Variants in RIPK3 observed in about 807,000 individuals in gnomAD.
The protein encoded by RIPK3 is receptor-interacting serine/threonine-protein kinase 3.
A neutral mutation model predicts 51.6 loss-of-function variants in RIPK3; 51 were observed. That is an observed-to-expected ratio of 0.99 (90% CI 0.79 to 1.25). RIPK3 has a LOEUF of 1.25. Ranked by LOEUF, RIPK3 falls within the 50% of genes most tolerant of loss-of-function variation. The pLI is 0.00. For missense variants in RIPK3, 654 were observed against 650.4 expected, an observed-to-expected ratio of 1.01 and a Z score of -0.06; for synonymous variants, 246 against 257.7, an observed-to-expected ratio of 0.95 and a Z score of 0.44.
chr14:24,338,620 C>A (rs1048212328), intron 3 of RIPK3, 53 bp from the exon 4 acceptor site: 3 of 1,550,728 alleles, frequency 1.9e-6, no homozygotes, highest in Non-Finnish European at 2.6e-6. Flanking sequence ...GGCCAGAGAG[C>A]CTCCAGGAAC....
intron 8 of RIPK3, 30 bp downstream of exon 8, chr14:24,337,056 G>A (rs777800479): frequency 6.2e-6 from 10 of 1,610,810 alleles, no homozygotes; most frequent in Non-Finnish European, 7.6e-6. Flanking sequence ...AGGACTCTTA[G>A]TGCATCCCCT....
chr14:24,339,726 A>G lies in RIPK3; in HGVS notation c.20+81T>C. 2.5e-6 allele frequency: 4 copies of G among 1,570,936 alleles called. No homozygotes were observed. Among genetic ancestry groups the G allele is most frequent in the Non-Finnish European group, 3.5e-6 (4 of 1,156,466 alleles). On this transcript the variant is annotated intron_variant, in intron 1 of 9. Transcript: ENST00000216274. The surrounding 1 kb of genome is among the most constrained non-coding windows in gnomAD (Gnocchi z 4.0). ...CCGGCCCCCACCGTCCCCGGACTCAAAGACGTTCTCTGAGCGAGTCTGTGG... is the reference window on the plus strand; with the variant it reads ...CCGGCCCCCACCGTCCCCGGACTCAGAGACGTTCTCTGAGCGAGTCTGTGG...
chr14:24,338,021 G>A lies in RIPK3; in HGVS notation c.684C>T (p.Leu228=), dbSNP rs372654613. Residue 228 remains leucine, a synonymous_variant, in exon 6 of 10, where the codon CTC becomes CTT. Transcript: ENST00000216274. ...REVELPTEPS[L]VYEAVCNRQN... ...GCCTGTTGCACACTGCTTCGTACAC[G>A]AGTGATGGTTCGGTTGGCACTGGAG... The A allele has an allele frequency of 2.7e-5, 44 of 1,614,194 alleles. No homozygotes were observed. Among genetic ancestry groups the A allele is most frequent in the East Asian group, 4.5e-5 (2 of 44,890 alleles).
In RIPK3 at chr14:24,339,829, G is replaced by A; in HGVS notation, c.-3C>T. The A allele has an allele frequency of 1.3e-6, 2 of 1,567,878 alleles. No homozygotes were observed. The highest frequency in any genetic ancestry group is 1.7e-6 in the Non-Finnish European group (2 of 1,160,468). On this transcript the variant is annotated 5_prime_UTR_variant, in exon 1 of 10. Coordinates refer to ENST00000216274, the MANE Select transcript of RIPK3 (RefSeq NM_006871.4). This position sits in a 1 kb window ranked among gnomAD's most constrained non-coding sequence, Gnocchi z 4.0. ...CACCATAACTTGACGCACGACATCA[G>A]GCTGGAAGGTGCCAGGGGGCCTCTG...
In RIPK3 at chr14:24,336,032, C is replaced by T; in HGVS notation, c.*143G>A. 1 of 785,134 alleles carries T rather than the reference C, an allele frequency of 1.3e-6. No homozygotes were observed. The highest frequency in any genetic ancestry group is 2.0e-6 in the Non-Finnish European group (1 of 511,488). 48.6% of individuals were successfully genotyped at this position (785,134 alleles called of 1,614,324 possible). A position where few individuals can be genotyped will look rare whatever the true frequency, so the allele number is the denominator to read the frequency against. ...GGCTGAGCTCAGACTGACTAGCATT[C>T]CATCATGTTTATTGACTCCTGGGGG... On this transcript the variant is annotated 3_prime_UTR_variant, in exon 10 of 10. Transcript: ENST00000216274.
chr14:24,339,446 G>C lies in RIPK3; in HGVS notation c.161+11C>G. ...GCCAGATTGCGGCTGGGGTCAACCG[G>C]GGTCACTCACGAGTTTACGATCTTG... On this transcript the variant is annotated intron_variant, in intron 2 of 9. Transcript: ENST00000216274. This position sits in a 1 kb window ranked among gnomAD's most constrained non-coding sequence, Gnocchi z 4.0. 1 of 1,613,798 alleles carries C rather than the reference G, an allele frequency of 6.2e-7. No homozygotes were observed. Among genetic ancestry groups the C allele is most frequent in the Non-Finnish European group, 8.5e-7 (1 of 1,179,818 alleles).
rs750949099 is a variant in RIPK3 at position 24,337,655 on chromosome 14, C to T, written c.900+40G>A. On this transcript the variant is annotated intron_variant, in intron 7 of 9. Coordinates refer to ENST00000216274, the MANE Select transcript of RIPK3 (RefSeq NM_006871.4). ...TGGCCAGGTAGCCACGCTGTGCCAT[C>T]CCTGACCAGCTCCTGGGGAGGGGTG... The T allele has an allele frequency of 2.6e-6, 4 of 1,564,190 alleles. No homozygotes were observed. In the East Asian group the frequency reaches 9.0e-5, roughly 35 times the overall value.
Position 24,339,910 on chromosome 14 carries a change from G to A in RIPK3, c.-84C>T. ...TTCTGGGGCTTGGTCCTTTCGCAGA[G>A]AGGGGAAGGGGTCTGTCTGTGCAGG... On this transcript the variant is annotated 5_prime_UTR_variant, in exon 1 of 10. Coordinates refer to ENST00000216274, the MANE Select transcript of RIPK3 (RefSeq NM_006871.4). This position sits in a 1 kb window ranked among gnomAD's most constrained non-coding sequence, Gnocchi z 4.0. The A allele has an allele frequency of 7.1e-7, 1 of 1,413,204 alleles. No individual in the cohort carries two copies. The highest frequency in any genetic ancestry group is 9.6e-7 in the Non-Finnish European group (1 of 1,038,256). 87.5% of individuals were successfully genotyped at this position (1,413,204 alleles called of 1,614,324 possible). A position where few individuals can be genotyped will look rare whatever the true frequency, so the allele number is the denominator to read the frequency against.
rs764335328 is a variant in RIPK3 at position 24,339,249 on chromosome 14, G to A, written c.237C>T (p.Ile79=). 6.2e-7 allele frequency: 1 copy of A among 1,614,074 alleles called. No individual in the cohort carries two copies. The highest frequency in any genetic ancestry group is 1.3e-5 in the African/African-American group (1 of 74,934). The change falls in exon 3 of 10, where the codon ATC becomes ATT. Residue 79 remains isoleucine, a synonymous_variant. Coordinates refer to ENST00000216274, the MANE Select transcript of RIPK3 (RefSeq NM_006871.4). The surrounding 1 kb of genome is among the most constrained non-coding windows in gnomAD (Gnocchi z 4.0). ...NEFVLRLEGV[I]EKVNWDQDPK... Reference sequence around the variant, plus strand: ...GATCTTGGTCCCAGTTCACCTTCTCGATAACCCCTTCTAGGCGCAGCACGA... The same window carrying A: ...GATCTTGGTCCCAGTTCACCTTCTCAATAACCCCTTCTAGGCGCAGCACGA...
chr14:24,337,483 C>G, intron 7 of RIPK3, 23 bp from the exon 8 acceptor site: 1 of 1,610,608 alleles, frequency 6.2e-7, no homozygotes, highest in Non-Finnish European at 8.5e-7. Flanking sequence ...GAGGAGTTTG[C>G]TGGGTATGAC....
Position 24,338,275 on chromosome 14 carries a change from G to A in RIPK3, c.638C>T (p.Ala213Val). ...DVYSFGILMW[A>V]VLAGREVELP... ...CTCAACTTCTCTTCCAGCAAGCACT[G>A]CCCACATTAGGATCCCGAAGCTGCA... Residue 213 changes from alanine (A) to valine (V), a missense_variant, in exon 5 of 10, where the codon GCA (alanine) becomes GTA (valine). Ala to Val is a moderately conservative substitution (Grantham distance 64). Coordinates refer to ENST00000216274, the MANE Select transcript of RIPK3 (RefSeq NM_006871.4). 6.6e-7 allele frequency: 1 copy of A among 1,524,628 alleles called. No homozygotes were observed. The highest frequency in any genetic ancestry group is 8.8e-7 in the Non-Finnish European group (1 of 1,136,146). 94.4% of individuals were successfully genotyped at this position (1,524,628 alleles called of 1,614,324 possible). A position where few individuals can be genotyped will look rare whatever the true frequency, so the allele number is the denominator to read the frequency against.
rs1284704404 is a variant in RIPK3, at chr14:24,337,905, C to T, written c.800G>A (p.Ser267Asn). The T allele has an allele frequency of 6.2e-7, 1 of 1,614,214 alleles. No homozygotes were observed. The highest frequency in any genetic ancestry group is 1.7e-5 in the Admixed American group (1 of 60,030). The change falls in exon 6 of 10, where the codon AGC (serine) becomes AAC (asparagine). Residue 267 changes from serine (S) to asparagine (N), a missense_variant. Coordinates refer to ENST00000216274, the MANE Select transcript of RIPK3 (RefSeq NM_006871.4). Reference protein sequence around the residue: ...GLKELMQLCWSSEPKDRPSFQ... With the variant: ...GLKELMQLCWNSEPKDRPSFQ... ...GGAGGGTCTGTCCTTGGGCTCACTG[C>T]TCCAGCAGAGCTGCATTAGCTCCTT...
Position 24,339,035 on chromosome 14 carries a change from C to T in RIPK3, c.451G>A (p.Asp151Asn), listed in dbSNP as rs1253287984. 1.2e-6 allele frequency: 2 copies of T among 1,614,068 alleles called. No homozygotes were observed. The highest frequency in any genetic ancestry group is 2.7e-5 in the African/African-American group (2 of 75,062). The change falls in exon 3 of 10, where the codon GAC becomes AAC. Residue 151 changes from aspartate to asparagine, a missense_variant. Coordinates refer to ENST00000216274, the MANE Select transcript of RIPK3 (RefSeq NM_006871.4). This position sits in a 1 kb window ranked among gnomAD's most constrained non-coding sequence, Gnocchi z 4.0. ...CTGACCTTGACGTGCAGCTCTGGGTCCAGCAGGACGTTGGATGGCTTGAGG... is the reference window on the plus strand; with the variant it reads ...CTGACCTTGACGTGCAGCTCTGGGTTCAGCAGGACGTTGGATGGCTTGAGG... ...RDLKPSNVLL[D>N]PELHVKLADF...
At position 24,338,938 on chromosome 14, in the gene RIPK3, G is replaced by T. The variant is rs549923193; in HGVS notation, c.471+77C>A. The stretch of plus-strand genomic sequence containing the variant: ...CTATTCAATAGACAGGGCTCTGGAG[G>T]TCTAGTGTCCGGCGGGCCTGGCTGG... On this transcript the variant is annotated intron_variant, in intron 3 of 9. Transcript: ENST00000216274. 2.6e-6 allele frequency: 3 copies of T among 1,161,178 alleles called. No homozygotes were observed. In the Admixed American group the frequency reaches 5.4e-5, roughly 21 times the overall value. 71.9% of individuals were successfully genotyped at this position (1,161,178 alleles called of 1,614,324 possible).
chr14:24,338,399 T>C, intron 4 of RIPK3, 23 bp downstream of exon 4: 1 of 1,598,680 alleles, frequency 6.3e-7, no homozygotes, highest in Non-Finnish European at 8.6e-7. Context: ...ATCCTGGCTG[T>C]GTGTTTGGGC....
At chr14:24,336,467 G>A in intron 9 of RIPK3, 72 bp from the exon 10 acceptor site, 15 of 1,564,904 alleles carry the variant, frequency 9.6e-6, no homozygotes, top group Non-Finnish European at 1.3e-5. Context: ...TGGGTGGGGA[G>A]TATGAAGTCT....
chr14:24,337,374 G>A lies in RIPK3; in HGVS notation c.987C>T (p.Gly329=), dbSNP rs373809787. Residue 329 remains glycine, a synonymous_variant, in exon 8 of 10, where the codon GGC becomes GGT. Coordinates refer to ENST00000216274, the MANE Select transcript of RIPK3 (RefSeq NM_006871.4). ...ESGQGGTEMD[G]FRRTIENQHS... ...GCTGGTTTTCTATGGTTCTCCTAAA[G>A]CCATCCATTTCTGTCCCTCCTTGGC... 1.9e-5 allele frequency: 30 copies of A among 1,614,038 alleles called. No homozygotes were observed. In the Admixed American group the frequency reaches 4.8e-4, roughly 26 times the overall value.
At position 24,339,944 on chromosome 14, in the gene RIPK3, T is replaced by C. The variant is rs2042173698; in HGVS notation, c.-118A>G. ...GGGTCTGTCTGTGCAGGGGTCAGTC[T>C]CTAGACCAAGACGGTGAGTCTACTT... On this transcript the variant is annotated 5_prime_UTR_variant, in exon 1 of 10. Coordinates refer to ENST00000216274, the MANE Select transcript of RIPK3 (RefSeq NM_006871.4). This position sits in a 1 kb window ranked among gnomAD's most constrained non-coding sequence, Gnocchi z 4.0. 2 of 1,095,174 alleles carry C rather than the reference T, an allele frequency of 1.8e-6. No homozygotes were observed. The highest frequency in any genetic ancestry group is 2.6e-6 in the Non-Finnish European group (2 of 773,076). The allele number at this position is 1,095,174 out of a possible 1,614,324, so 67.8% of individuals were successfully genotyped here.
In RIPK3 at chr14:24,336,257, G is replaced by C; in HGVS notation, c.1475C>G (p.Pro492Arg). 2 of 1,612,818 alleles carry C rather than the reference G, an allele frequency of 1.2e-6. No homozygotes were observed. Among genetic ancestry groups the C allele is most frequent in the South Asian group, 1.1e-5 (1 of 91,044 alleles). Residue 492 changes from proline to arginine, a missense_variant, in exon 10 of 10, where the codon CCA becomes CGA. By Grantham distance (103) the Pro-to-Arg change is moderately radical. Transcript: ENST00000216274. ...SGKGRGLQHP[P>R]PVGSQEGPKD... Reference sequence around the variant, plus strand: ...AGGGCCTTCTTGCGAACCTACTGGTGGGGGGTGCTGCAAGCCCCTCCCCTT... The same window carrying C: ...AGGGCCTTCTTGCGAACCTACTGGTCGGGGGTGCTGCAAGCCCCTCCCCTT...
Sources: gnomAD v4.1 joint callset for allele counts on GRCh38, gnomAD v4.1.1 for gene constraint, Gnocchi (gnomAD v3.1) non-coding constraint, MANE v1.5 for transcripts, NCBI Gene and HGNC (gene_info 2026-07-23, HGNC 2026-07-21) for gene names.